PARVA: variants seen among roughly 807,000 people sequenced by gnomAD.
The protein encoded by PARVA is alpha-parvin.
Under a neutral mutation model 52.6 loss-of-function variants are expected in PARVA, and 25 were observed. That is an observed-to-expected ratio of 0.48 (90% CI 0.35 to 0.66). The LOEUF (loss-of-function observed/expected upper bound fraction) is 0.66, where lower values mean the gene tolerates loss of function less well. Ranked by LOEUF, PARVA falls within the 30% of genes least tolerant of loss-of-function variation. PARVA has a pLI of 0.01. For missense variants in PARVA, 373 were observed against 450.9 expected (o/e 0.83, Z 1.56); for synonymous variants, 185 against 179.1 (o/e 1.03, Z -0.26).
At chr11:12,471,362 ACTCTT>A (rs1564855472) in intron 1 of PARVA, among the ~76,000 whole-genome samples, 2 of 152,234 alleles carry the variant, frequency 1.3e-5, no homozygotes, top group South Asian at 2.1e-4. Flanking sequence ...TTATCCACTT[ACTCTT>A]TTAAAAATTT....
intron 4 of PARVA, chr11:12,479,560 A>G (rs1371054007): frequency 6.6e-6 from 1 of 152,000 alleles, no homozygotes; most frequent in Non-Finnish European, 1.5e-5. Context: ...TCAGCCTCCC[A>G]AAGTACTGTG....
chr11:12,525,310 G>A (rs1268608855), intron 12 of PARVA, among the ~76,000 whole-genome samples: 2 of 152,182 alleles, frequency 1.3e-5, no homozygotes, highest in Non-Finnish European at 2.9e-5. Context: ...CCCTGGAAGT[G>A]TGAATGATGT....
intron 9 of PARVA, 83 bp from the exon 10 acceptor site, chr11:12,513,914 C>A (rs1265908955): frequency 3.2e-6 from 4 of 1,255,972 alleles, no homozygotes; most frequent in Middle Eastern, 4.0e-4. Context: ...CTCACCCTTG[C>A]CCTCACGGGA....
chr11:12,425,863 C>T (rs1940224229), intron 1 of PARVA, among the ~76,000 whole-genome samples: 1 of 152,160 alleles, frequency 6.6e-6, no homozygotes, highest in Admixed American at 6.5e-5. Context: ...CCAGGCAGAG[C>T]CAGTAAAATC....
At chr11:12,460,183 C>G (rs752840647) in intron 1 of PARVA, among the ~76,000 whole-genome samples, 1 of 152,074 alleles carries the variant, frequency 6.6e-6, no homozygotes, top group Non-Finnish European at 1.5e-5. Flanking sequence ...ACCTAATGGA[C>G]GAAACATTTT....
intron 12 of PARVA, among the ~76,000 whole-genome samples, chr11:12,523,710 C>G (rs11601604): frequency 0.067 from 10,129 of 151,180 alleles, 471 homozygotes; most frequent in African/African-American, 0.12. Flanking sequence ...GGCTGTCAGA[C>G]AGCCTCTGTT....
At chr11:12,467,228 C>T (rs1940864940) in intron 1 of PARVA, among the ~76,000 whole-genome samples, 2 of 152,164 alleles carry the variant, frequency 1.3e-5, no homozygotes, top group African/African-American at 4.8e-5. Flanking sequence ...ATCCTGCAAC[C>T]TTGCCAGAAT....
At chr11:12,459,474 A>G (rs557269674) in intron 1 of PARVA, among the ~76,000 whole-genome samples, 1 of 152,218 alleles carries the variant, frequency 6.6e-6, no homozygotes, top group East Asian at 1.9e-4. Flanking sequence ...TAACTCTCAT[A>G]TAGAACTGTG....
At chr11:12,470,566 A>T (rs543545117) in intron 1 of PARVA, among the ~76,000 whole-genome samples, 17 of 152,272 alleles carry the variant, frequency 1.1e-4, no homozygotes, top group African/African-American at 3.9e-4. Context: ...CTCATGGGGG[A>T]TCTAATAGTG....
At position 12,383,608 on chromosome 11, in the gene PARVA, C is replaced by G. The variant is rs149409570; in HGVS notation, c.136+5825C>G. On this transcript the variant is annotated intron_variant, in intron 1 of 12. Transcript: ENST00000334956. ...TTTCTAGAGTGAGTAGAACCCTTAG[C>G]ACTGCAGAGCTACCCTTTTCTTCTA... is the stretch of plus-strand genomic sequence containing the variant. Among the ~76,000 whole-genome samples the G allele has an allele frequency of 1.2e-4, 19 of 152,326 alleles. No homozygotes were observed. The East Asian group carries it at 3.7e-3, about 29-fold the overall frequency.
chr11:12,465,272 T>A (rs563932696), intron 1 of PARVA, among the ~76,000 whole-genome samples: 1 of 152,254 alleles, frequency 6.6e-6, no homozygotes, highest in African/African-American at 2.4e-5. Flanking sequence ...ACTCAGCCCC[T>A]TTGCCATGTG....
intron 12 of PARVA, among the ~76,000 whole-genome samples, chr11:12,526,543 C>T (rs1346315805): frequency 6.6e-6 from 1 of 152,056 alleles, no homozygotes; most frequent in African/African-American, 2.4e-5. Flanking sequence ...GAACTTTTAC[C>T]AAGCGAGCCA....
At chr11:12,404,534 T>A (rs1343699855) in intron 1 of PARVA, among the ~76,000 whole-genome samples, 1 of 152,224 alleles carries the variant, frequency 6.6e-6, no homozygotes, top group Non-Finnish European at 1.5e-5. Flanking sequence ...CAGAAGGAGT[T>A]CCTTTTGTAT....
rs1279149263 is a variant in PARVA at position 12,380,225 on chromosome 11, A to G, written c.136+2442A>G. Among the ~76,000 whole-genome samples, 3 of 140,182 alleles carry G rather than the reference A, an allele frequency of 2.1e-5. 1 individual carries two copies. Among genetic ancestry groups the G allele is most frequent in the Non-Finnish European group, 4.6e-5 (3 of 65,048 alleles). The allele number at this position is 140,182 out of a possible 152,430, so 92.0% of individuals were successfully genotyped here. A position where few individuals can be genotyped will look rare whatever the true frequency, so the allele number is the denominator to read the frequency against. On this transcript the variant is annotated intron_variant, in intron 1 of 12. Transcript: ENST00000334956. The stretch of plus-strand genomic sequence containing the variant: ...TTAGTTGAGATTTTGAAAATAATTT[A>G]GTGAAAGGGCTATTGACAGAGCTGT...
At chr11:12,474,313 G>A (rs1301496836) in intron 3 of PARVA, among the ~76,000 whole-genome samples, 1 of 152,138 alleles carries the variant, frequency 6.6e-6, no homozygotes, top group Non-Finnish European at 1.5e-5. Context: ...GCAGTAATTA[G>A]TCTCATCCCC....
At chr11:12,501,050 G>A (rs1396684281) in intron 5 of PARVA, among the ~76,000 whole-genome samples, 1 of 151,482 alleles carries the variant, frequency 6.6e-6, no homozygotes, top group Non-Finnish European at 1.5e-5. Context: ...GGTGTTTGCA[G>A]TGAGACGAGA....
intron 1 of PARVA, among the ~76,000 whole-genome samples, chr11:12,425,020 T>C (rs1940209388): frequency 6.6e-6 from 1 of 152,226 alleles, no homozygotes; most frequent in South Asian, 2.1e-4. Context: ...TGTCTCCCCC[T>C]CTTTCAATTG....
chr11:12,442,723 A>C (rs2135005368), intron 1 of PARVA, among the ~76,000 whole-genome samples: 1 of 152,148 alleles, frequency 6.6e-6, no homozygotes, highest in African/African-American at 2.4e-5. Flanking sequence ...AGGGGAAAAG[A>C]GCCTCCCCAC....
chr11:12,411,349 T>A (rs1939990137), intron 1 of PARVA, among the ~76,000 whole-genome samples: 1 of 152,196 alleles, frequency 6.6e-6, no homozygotes. Context: ...CTGTACCCAG[T>A]TCCCCTATTG....
Sources: gnomAD v4.1 joint callset for allele counts (sites outside exome capture counted in the v4.1 genomes callset) on GRCh38, gnomAD v4.1.1 for gene constraint, MANE v1.5 for transcripts, NCBI Gene and HGNC (gene_info 2026-07-23, HGNC 2026-07-21) for gene names.